Variants in FOXP1 observed in about 807,000 individuals in gnomAD.
FOXP1 encodes forkhead box P1.
In FOXP1, 15 loss-of-function variants were observed where a neutral mutation model predicts 98.2. That is an observed-to-expected ratio of 0.15 (90% CI 0.10 to 0.24). The LOEUF (loss-of-function observed/expected upper bound fraction) is 0.24. Ranked by LOEUF, FOXP1 falls within the 10% of genes least tolerant of loss-of-function variation. FOXP1 has a pLI of 1.00. For missense variants in FOXP1, 633 were observed against 848.5 expected (o/e 0.75, Z 3.15); for synonymous variants, 371 against 314.5 (o/e 1.18, Z -1.90).
At chr3:71,262,896 T>C (rs1461475127) in intron 5 of FOXP1, among the ~76,000 whole-genome samples, 2 of 152,180 alleles carry the variant, frequency 1.3e-5, no homozygotes, top group Non-Finnish European at 2.9e-5. Flanking sequence ...GTTGCAAAGG[T>C]GCTCCACTAA....
At chr3:71,036,974 T>C (rs2047679973) in intron 11 of FOXP1, among the ~76,000 whole-genome samples, 1 of 152,238 alleles carries the variant, frequency 6.6e-6, no homozygotes, top group Non-Finnish European at 1.5e-5. Flanking sequence ...TTAAGTACTA[T>C]TTTGCAGACT....
intron 4 of FOXP1, among the ~76,000 whole-genome samples, chr3:71,348,482 T>G (rs2107821858): frequency 1.3e-5 from 2 of 150,694 alleles, no homozygotes; most frequent in South Asian, 2.1e-4. Flanking sequence ...ATTAAACACC[T>G]CCCAGGTGCC....
At position 71,098,036 on chromosome 3, in the gene FOXP1, T is replaced by C. The variant is rs181697980; in HGVS notation, c.282+14500A>G. On this transcript the variant is annotated intron_variant, in intron 7 of 20. Coordinates refer to ENST00000649528, the MANE Select transcript of FOXP1 (RefSeq NM_001349338.3). ...GGTAGGCTGCATTTAACATTAGTTATTTGTGCAAAGGACAATTTGATTAGA... is the reference window on the plus strand; with the variant it reads ...GGTAGGCTGCATTTAACATTAGTTACTTGTGCAAAGGACAATTTGATTAGA... 2.1e-4 allele frequency among the ~76,000 whole-genome samples: 32 copies of C among 152,362 alleles called. No homozygotes were observed. The East Asian group carries it at 5.8e-3, about 28-fold the overall frequency.
intron 7 of FOXP1, among the ~76,000 whole-genome samples, chr3:71,055,720 TG>T (rs749015944): frequency 8.5e-5 from 13 of 152,220 alleles, no homozygotes; most frequent in Non-Finnish European, 1.8e-4. Context: ...TCCTTTGAGC[TG>T]CTAAAGCCAG....
At chr3:71,421,041 T>C (rs1577406956) in intron 3 of FOXP1, among the ~76,000 whole-genome samples, 1 of 152,098 alleles carries the variant, frequency 6.6e-6, no homozygotes, top group Non-Finnish European at 1.5e-5. Flanking sequence ...CCACAAAGCC[T>C]CACCCTAGGA....
chr3:71,087,270 A>G (rs1390937981), intron 7 of FOXP1, among the ~76,000 whole-genome samples: 1 of 152,228 alleles, frequency 6.6e-6, no homozygotes, highest in East Asian at 1.9e-4. Flanking sequence ...TGGGTGGGTC[A>G]GAGAACAGAA....
chr3:71,295,460 A>G (rs926506934), intron 5 of FOXP1, among the ~76,000 whole-genome samples: 2 of 152,228 alleles, frequency 1.3e-5, no homozygotes, highest in Non-Finnish European at 2.9e-5. Flanking sequence ...TAGTTCCTTC[A>G]TCTAACATAA....
At chr3:70,978,924 A>G (rs1208069322) in intron 14 of FOXP1, among the ~76,000 whole-genome samples, 1 of 152,176 alleles carries the variant, frequency 6.6e-6, no homozygotes, top group Non-Finnish European at 1.5e-5. Context: ...TAAAATGGGA[A>G]ATAATCTGCT....
chr3:71,280,177 A>G (rs2071383298), intron 5 of FOXP1, among the ~76,000 whole-genome samples: 1 of 151,720 alleles, frequency 6.6e-6, no homozygotes, highest in Non-Finnish European at 1.5e-5. Flanking sequence ...ATGTAATTTA[A>G]ATTGTTCTAA....
intron 3 of FOXP1, among the ~76,000 whole-genome samples, chr3:71,397,501 C>T (rs1035393731): frequency 2.6e-5 from 4 of 152,206 alleles, no homozygotes; most frequent in Admixed American, 1.3e-4. Context: ...CCAGGCAATG[C>T]GACGGGCCTT....
In FOXP1 at chr3:71,077,397, G is replaced by C. The variant is rs185063993; in HGVS notation, c.283-23624C>G. ...GTTCCTTATGACCTAAGTGGGGAGT[G>C]GGGGAAAGACAGCTAAAGACCTGTT... On this transcript the variant is annotated intron_variant, in intron 7 of 20. Transcript: ENST00000649528. 1.7e-3 allele frequency among the ~76,000 whole-genome samples: 257 copies of C among 152,264 alleles called. No individual in the cohort carries two copies. In the South Asian group the frequency reaches 0.028, roughly 17 times the overall value.
rs1220162304 is a variant in FOXP1 at position 71,406,414 on chromosome 3, T to TATATATATATATATATATATATAC, written c.-167-47171_-167-47170insGTATATATATATATATATATATAT. The stretch of plus-strand genomic sequence containing the variant: ...CATAATAACTGTATGTGTATATATA[T>TATATATATATATATATATATATAC]ATATATATATGGTACAGTATGATTT... On this transcript the variant is annotated intron_variant, in intron 3 of 20. Transcript: ENST00000649528. 1.6e-3 allele frequency among the ~76,000 whole-genome samples: 223 copies of TATATATATATATATATATATATAC among 141,756 alleles called. 4 individuals carry two copies. Among genetic ancestry groups the TATATATATATATATATATATATAC allele is most frequent in the African/African-American group, 5.4e-3 (214 of 39,676 alleles). 93.0% of individuals were successfully genotyped at this position (141,756 alleles called of 152,430 possible).
chr3:71,460,658 T>C (rs1284637630), intron 3 of FOXP1, among the ~76,000 whole-genome samples: 2 of 152,140 alleles, frequency 1.3e-5, no homozygotes, highest in African/African-American at 4.8e-5. Flanking sequence ...AGGCTGGTCA[T>C]AAACTCCTGA....
intron 4 of FOXP1, among the ~76,000 whole-genome samples, chr3:71,316,483 A>G (rs528554724): frequency 1.3e-5 from 2 of 152,142 alleles, no homozygotes; most frequent in African/African-American, 4.8e-5. Context: ...TGCCCTAGAG[A>G]ATGCCACTAC....
chr3:71,310,508 C>G (rs1022228112), intron 4 of FOXP1, among the ~76,000 whole-genome samples: 1 of 152,238 alleles, frequency 6.6e-6, no homozygotes, highest in African/African-American at 2.4e-5. Context: ...CAGACGTTCT[C>G]TATCAGGCAA....
intron 2 of FOXP1, among the ~76,000 whole-genome samples, chr3:71,579,609 TTTTTTTCTTTTTTTTCTTTTTTC>T (rs2047991028): frequency 7.0e-6 from 1 of 143,546 alleles, no homozygotes; most frequent in African/African-American, 2.6e-5. Context: ...CCAGAGATTT[TTTTTTTCTTTTTTTTCTTTTTTC>T]TTTTTTTTTT....
intron 11 of FOXP1, among the ~76,000 whole-genome samples, chr3:71,021,727 G>T (rs905373810): frequency 2.0e-5 from 3 of 152,150 alleles, no homozygotes; most frequent in Non-Finnish European, 1.5e-5. Flanking sequence ...CTCACAGCTA[G>T]GAAATGGTAC....
At chr3:71,152,582 C>G (rs1254723048) in intron 6 of FOXP1, among the ~76,000 whole-genome samples, 2 of 152,120 alleles carry the variant, frequency 1.3e-5, no homozygotes, top group African/African-American at 4.8e-5. Context: ...ACAGCTGTGG[C>G]TCTGACCCCC....
intron 3 of FOXP1, among the ~76,000 whole-genome samples, chr3:71,436,148 C>T (rs912368058): frequency 2.0e-5 from 3 of 151,826 alleles, no homozygotes; most frequent in Non-Finnish European, 2.9e-5. Context: ...TTACATATTT[C>T]CCAAACTGTT....
Sources: allele counts gnomAD v4.1 joint callset (sites outside exome capture counted in the v4.1 genomes callset), GRCh38; gene constraint gnomAD v4.1.1; transcripts MANE v1.5; gene names NCBI Gene and HGNC (gene_info 2026-07-23, HGNC 2026-07-21).